Variants in EYA4 observed in about 807,000 individuals in gnomAD.
EYA4 encodes protein phosphatase EYA4.
EYA4 carries 31 observed loss-of-function variants against 87.9 expected under a neutral mutation model. The observed-to-expected ratio is 0.35, with a 90% CI of 0.27 to 0.48. EYA4 has a LOEUF of 0.48. Among genes scored for constraint, EYA4 ranks in the 20% least tolerant of loss-of-function variants. The pLI, the probability that EYA4 is intolerant of heterozygous loss-of-function variation, is 0.99. For synonymous variants in EYA4, 263 were observed against 270.6 expected, an observed-to-expected ratio of 0.97 and a Z score of 0.28; for missense variants, 678 against 761.4, an observed-to-expected ratio of 0.89 and a Z score of 1.29.
chr6:133,532,019 A>G lies in EYA4; in HGVS notation c.*3214A>G, dbSNP rs1286247256. 1 of 152,244 alleles carries G rather than the reference A, an allele frequency of 6.6e-6. No individual in the cohort carries two copies. The highest frequency in any genetic ancestry group is 1.5e-5 in the Non-Finnish European group (1 of 68,034). The allele number at this position is 152,244 out of a possible 1,614,324, so 9.4% of individuals were successfully genotyped here. On this transcript the variant is annotated 3_prime_UTR_variant, in exon 20 of 20. Transcript: ENST00000355286. ...TAAAGTATAGATTATTGGGGCCTAC[A>G]TAATTTAAAAGAAATGTAAATTAAT...
intron 3 of EYA4, among the ~76,000 whole-genome samples, chr6:133,434,049 T>A (rs748717672): frequency 3.3e-5 from 5 of 152,212 alleles, no homozygotes; most frequent in Non-Finnish European, 7.4e-5. Context: ...ACTGTGTGAC[T>A]ATGGGGACCA....
At chr6:133,483,546 A>G (rs1007007411) in intron 13 of EYA4, among the ~76,000 whole-genome samples, 2 of 151,870 alleles carry the variant, frequency 1.3e-5, no homozygotes, top group African/African-American at 4.8e-5. Flanking sequence ...TTTATGAATG[A>G]GTGTTTTTTC....
chr6:133,278,824 T>G (rs1314031873), intron 2 of EYA4, among the ~76,000 whole-genome samples: 1 of 152,172 alleles, frequency 6.6e-6, no homozygotes, highest in Non-Finnish European at 1.5e-5. Context: ...TGCAGTTCTA[T>G]TTTAGAGCTT....
chr6:133,407,247 TA>T (rs999755654), intron 3 of EYA4, among the ~76,000 whole-genome samples: 4 of 104,570 alleles, frequency 3.8e-5, no homozygotes, highest in African/African-American at 1.2e-4. Flanking sequence ...TAAAGGAGTC[TA>T]GGGTTTTTTT....
chr6:133,281,208 C>T (rs1777599612), intron 2 of EYA4, among the ~76,000 whole-genome samples: 2 of 129,326 alleles, frequency 1.5e-5, no homozygotes, highest in Admixed American at 7.8e-5. Flanking sequence ...AGATAAAAGT[C>T]CTTCACCAGA....
intron 3 of EYA4, among the ~76,000 whole-genome samples, chr6:133,438,268 T>C (rs533453115): frequency 6.6e-6 from 1 of 151,938 alleles, no homozygotes; most frequent in East Asian, 1.9e-4. Context: ...TCCTGTGGAC[T>C]GGAATGTAGA....
At chr6:133,442,882 A>G (rs1418228648) in intron 3 of EYA4, among the ~76,000 whole-genome samples, 1 of 152,080 alleles carries the variant, frequency 6.6e-6, no homozygotes, top group Non-Finnish European at 1.5e-5. Flanking sequence ...AATATTGTCA[A>G]ATTTTTTTTG....
chr6:133,470,933 A>C (rs1441937794), intron 11 of EYA4, among the ~76,000 whole-genome samples: 2 of 88,092 alleles, frequency 2.3e-5, no homozygotes, highest in African/African-American at 8.8e-5. Flanking sequence ...ATTTTTGTAC[A>C]TTGATTTTGT....
chr6:133,321,566 A>G (rs1052574000), intron 2 of EYA4, among the ~76,000 whole-genome samples: 2 of 152,174 alleles, frequency 1.3e-5, no homozygotes, highest in Admixed American at 1.3e-4. Context: ...CTTACTACCT[A>G]TTTGAAAATC....
At chr6:133,251,305 TAGTC>T (rs957566728) in intron 1 of EYA4, among the ~76,000 whole-genome samples, 35 of 152,338 alleles carry the variant, frequency 2.3e-4, no homozygotes, top group African/African-American at 7.7e-4. Context: ...TAATTTTCAA[TAGTC>T]AGTGGGCCTG....
chr6:133,491,175 C>T (rs1208541055), intron 13 of EYA4, among the ~76,000 whole-genome samples: 1 of 151,694 alleles, frequency 6.6e-6, no homozygotes, highest in Non-Finnish European at 1.5e-5. Context: ...AATGGAAACA[C>T]AAAATACTAA....
At chr6:133,527,326 G>T (rs1472914471) in intron 19 of EYA4, among the ~76,000 whole-genome samples, 1 of 152,174 alleles carries the variant, frequency 6.6e-6, no homozygotes, top group East Asian at 1.9e-4. Context: ...GACTTAATTT[G>T]ACCTAGACAT....
At chr6:133,259,712 G>A (rs577427515) in intron 1 of EYA4, among the ~76,000 whole-genome samples, 38 of 152,142 alleles carry the variant, frequency 2.5e-4, no homozygotes, top group Non-Finnish European at 4.6e-4. Context: ...GGCATTAGAT[G>A]AATCAGATTT....
chr6:133,407,122 TG>T (rs1226594746), intron 3 of EYA4, among the ~76,000 whole-genome samples: 13 of 152,112 alleles, frequency 8.5e-5, no homozygotes, highest in Admixed American at 8.5e-4. Flanking sequence ...GTTTTTAATT[TG>T]GGAAAGGTCT....
At chr6:133,328,450 G>A (rs1433272973) in intron 2 of EYA4, among the ~76,000 whole-genome samples, 1 of 152,052 alleles carries the variant, frequency 6.6e-6, no homozygotes, top group Admixed American at 6.6e-5. Flanking sequence ...ATCAATGTAA[G>A]TAATCTTCTA....
At chr6:133,284,161 A>G (rs1294995751) in intron 2 of EYA4, among the ~76,000 whole-genome samples, 1 of 152,222 alleles carries the variant, frequency 6.6e-6, no homozygotes, top group Non-Finnish European at 1.5e-5. Context: ...TTTAAATATT[A>G]TGGATTTGAG....
chr6:133,397,067 G>A (rs1787868725), intron 3 of EYA4, among the ~76,000 whole-genome samples: 1 of 152,192 alleles, frequency 6.6e-6, no homozygotes, highest in Non-Finnish European at 1.5e-5. Flanking sequence ...TAATGGCCCA[G>A]AATGAATCAC....
intron 2 of EYA4, among the ~76,000 whole-genome samples, chr6:133,280,573 T>C (rs1397990315): frequency 2.6e-5 from 4 of 152,072 alleles, no homozygotes; most frequent in African/African-American, 9.7e-5. Context: ...ATTTTTTGTA[T>C]TTTTAGTAGA....
At chr6:133,481,664 A>G in intron 12 of EYA4, 65 bp downstream of exon 12, 1 of 1,533,548 alleles carries the variant, frequency 6.5e-7, no homozygotes, top group Non-Finnish European at 9.0e-7. Flanking sequence ...TACATTCTCT[A>G]TCTTACAGTT....
Sources: gnomAD v4.1 joint callset for allele counts (sites outside exome capture counted in the v4.1 genomes callset) on GRCh38, gnomAD v4.1.1 for gene constraint, MANE v1.5 for transcripts, NCBI Gene and HGNC (gene_info 2026-07-23, HGNC 2026-07-21) for gene names.